Variants in KEL observed in about 807,000 individuals in gnomAD.
KEL encodes the protein kell blood group glycoprotein.
In KEL, 96 loss-of-function variants were observed where a neutral mutation model predicts 99.5. The observed-to-expected ratio is 0.97, with a 90% confidence interval of 0.82 to 1.14. The LOEUF (loss-of-function observed/expected upper bound fraction) is 1.14, where lower values mean the gene tolerates loss of function less well. Ranked by LOEUF, KEL falls within the 50% of genes most tolerant of loss-of-function variation. The pLI is 0.00. For missense variants in KEL, 926 were observed against 924.2 expected, an observed-to-expected ratio of 1.00 and a Z score of -0.03; for synonymous variants, 355 against 354.8, an observed-to-expected ratio of 1.00 and a Z score of -0.01.
chr7:142,946,622 G>A (rs1796537707), intron 10 of KEL: 1 of 445,734 alleles, frequency 2.2e-6, no homozygotes, highest in Non-Finnish European at 4.1e-6. Context: ...GGAAGAAGAT[G>A]AGAACCCAAA....
At chr7:142,946,871 G>T (rs1199953066) in intron 10 of KEL, among the ~76,000 whole-genome samples, 1 of 152,190 alleles carries the variant, frequency 6.6e-6, no homozygotes, top group African/African-American at 2.4e-5. Context: ...CATATTGTTT[G>T]CTAGGAAAAG....
At chr7:142,954,053 A>G in intron 8 of KEL, 97 bp from the exon 9 acceptor site, 1 of 1,462,384 alleles carries the variant, frequency 6.8e-7, no homozygotes, top group Non-Finnish European at 9.5e-7. Flanking sequence ...GAACAGGCTA[A>G]CTGGGGGAGG....
chr7:142,943,002 T>TG lies in KEL; in HGVS notation c.1813dup (p.Gln605ProfsTer18), dbSNP rs1796409113. On this transcript the variant is annotated frameshift_variant, in exon 17 of 19. Coordinates refer to ENST00000355265, the MANE Select transcript of KEL (RefSeq NM_000420.3). LOFTEE classifies it high-confidence loss of function. ...GCGCTTCAGGCACAGGTGAGCTTCC[T>TG]GGAGGGCATGGTTGTCACAGGCGAG... is the stretch of plus-strand genomic sequence containing the variant. 1 of 1,614,188 alleles carries TG rather than the reference T, an allele frequency of 6.2e-7. No homozygotes were observed. The highest frequency in any genetic ancestry group is 2.2e-5 in the East Asian group (1 of 44,878).
In KEL at chr7:142,941,418, G is replaced by A. The variant is rs1250283808; in HGVS notation, c.2038-5C>T. The A allele has an allele frequency of 6.3e-7, 1 of 1,587,766 alleles. No homozygotes were observed. Among genetic ancestry groups the A allele is most frequent in the Non-Finnish European group, 8.6e-7 (1 of 1,163,796 alleles). The stretch of plus-strand genomic sequence containing the variant: ...GCTGGGCTTCCTACACATCACCTGA[G>A]CAGGAAGAGAGGTCATTGAAGGGGG... On this transcript the variant is annotated splice_region_variant and splice_polypyrimidine_tract_variant and intron_variant, in intron 18 of 18. Coordinates refer to ENST00000355265, the MANE Select transcript of KEL (RefSeq NM_000420.3).
At chr7:142,941,515 G>A in intron 18 of KEL, 102 bp from the exon 19 acceptor site, 1 of 1,154,854 alleles carries the variant, frequency 8.7e-7, no homozygotes, top group Non-Finnish European at 1.2e-6. Flanking sequence ...GGGAACCAGG[G>A]GATCAAGTGC....
At chr7:142,952,037 C>A (rs767822701) in intron 10 of KEL, among the ~76,000 whole-genome samples, 5 of 152,106 alleles carry the variant, frequency 3.3e-5, no homozygotes, top group Non-Finnish European at 4.4e-5. Context: ...ACAAAGTCTA[C>A]ATGTGGCCCA....
chr7:142,960,984 T>C lies in KEL; in HGVS notation c.344A>G (p.Asn115Ser), dbSNP rs1190621007. ...TGTGGCAAGCTCCTGAAAAGAATTATTGGTCTCTTTGGCCCTTCCACAGGC... is the reference window on the plus strand; with the variant it reads ...TGTGGCAAGCTCCTGAAAAGAATTACTGGTCTCTTTGGCCCTTCCACAGGC... ...SFACGRAKET[N>S]NSFQELATKN... The change falls in exon 4 of 19, where the codon AAT (asparagine) becomes AGT (serine). Residue 115 changes from asparagine (N) to serine (S), a missense_variant. Transcript: ENST00000355265. 1.2e-6 allele frequency: 2 copies of C among 1,614,248 alleles called. No individual in the cohort carries two copies. Among genetic ancestry groups the C allele is most frequent in the East Asian group, 2.2e-5 (1 of 44,884 alleles).
At chr7:142,946,345 C>G in intron 10 of KEL, 28 bp from the exon 11 acceptor site, 4 of 1,545,326 alleles carry the variant, frequency 2.6e-6, no homozygotes, top group Non-Finnish European at 3.6e-6. Context: ...GAATGAGTGG[C>G]TCCTGTTCAG....
chr7:142,957,232 T>C (rs187782158), intron 6 of KEL, among the ~76,000 whole-genome samples: 255 of 152,282 alleles, frequency 1.7e-3, no homozygotes, highest in Non-Finnish European at 2.8e-3. Flanking sequence ...GTGTGGGGGA[T>C]GGTTGCAGGC....
chr7:142,962,314 G>A lies in KEL; in HGVS notation c.-108C>T. On this transcript the variant is annotated 5_prime_UTR_variant, in exon 1 of 19. Coordinates refer to ENST00000355265, the MANE Select transcript of KEL (RefSeq NM_000420.3). Reference sequence around the variant, plus strand: ...CCCGCCCCAGTTCCTTGATCCTGGAGAAGGGGCACTTCTGCTGCTCTTTCG... The same window carrying A: ...CCCGCCCCAGTTCCTTGATCCTGGAAAAGGGGCACTTCTGCTGCTCTTTCG... 1.6e-6 allele frequency: 2 copies of A among 1,264,372 alleles called. No individual in the cohort carries two copies. Among genetic ancestry groups the A allele is most frequent in the Non-Finnish European group, 2.3e-6 (2 of 862,866 alleles). The allele number at this position is 1,264,372 out of a possible 1,614,324, so 78.3% of individuals were successfully genotyped here.
At chr7:142,941,467 C>A in intron 18 of KEL, 54 bp from the exon 19 acceptor site, 1 of 1,513,336 alleles carries the variant, frequency 6.6e-7, no homozygotes, top group East Asian at 2.3e-5. Flanking sequence ...CAAAGCTGAC[C>A]CGGTGACAAG....
intron 9 of KEL, among the ~76,000 whole-genome samples, chr7:142,952,856 C>T (rs1056535897): frequency 6.6e-6 from 1 of 152,204 alleles, no homozygotes; most frequent in Admixed American, 6.5e-5. Context: ...GATGAAGAGG[C>T]AGCCTTCAAA....
At chr7:142,948,270 A>G (rs919329528) in intron 10 of KEL, among the ~76,000 whole-genome samples, 2 of 152,204 alleles carry the variant, frequency 1.3e-5, no homozygotes, top group African/African-American at 4.8e-5. Flanking sequence ...AGTCAGAGAG[A>G]GAAAGAGAGG....
chr7:142,944,063 G>C (rs982197780), intron 13 of KEL, among the ~76,000 whole-genome samples, 180 bp from the exon 14 acceptor site: 6 of 152,182 alleles, frequency 3.9e-5, no homozygotes, highest in Admixed American at 1.3e-4. Context: ...ACACATATCA[G>C]CACACAGATG....
intron 8 of KEL, 60 bp from the exon 9 acceptor site, chr7:142,954,016 T>C: frequency 6.2e-7 from 1 of 1,600,660 alleles, no homozygotes; most frequent in East Asian, 2.2e-5. Context: ...GGGAAAGGGC[T>C]TCCCCTTGGG....
chr7:142,958,180 C>T, intron 5 of KEL, 124 bp downstream of exon 5: 2 of 1,433,008 alleles, frequency 1.4e-6, no homozygotes, highest in South Asian at 2.3e-5. Context: ...CTCCATCTCC[C>T]TCCTAGAAAT....
intron 6 of KEL, among the ~76,000 whole-genome samples, chr7:142,955,048 C>G (rs1201697310): frequency 6.6e-6 from 1 of 152,206 alleles, no homozygotes; most frequent in Non-Finnish European, 1.5e-5. Flanking sequence ...CAAGCTGTTT[C>G]TGGGTGTCAC....
rs2116354458 is a variant in KEL, at chr7:142,961,501, T to C, written c.82A>G (p.Ser28Gly). The change falls in exon 3 of 19, where the codon AGC (serine) becomes GGC (glycine). Residue 28 changes from serine to glycine, a missense_variant and splice_region_variant. Physicochemically the swap from Ser to Gly is moderately conservative, Grantham distance 56. Coordinates refer to ENST00000355265, the MANE Select transcript of KEL (RefSeq NM_000420.3). ...GGMGTLWSQESTPEERLPVEG... is the reference protein window; with the variant it reads ...GGMGTLWSQEGTPEERLPVEG... ...ACGGGCAGCCTCTCTTCTGGAGTGC[T>C]CTGTGGGAGGAACCAAGAGGTGAAA... is the stretch of plus-strand genomic sequence containing the variant. 1.3e-6 allele frequency: 2 copies of C among 1,592,740 alleles called. No homozygotes were observed. Among genetic ancestry groups the C allele is most frequent in the East Asian group, 2.3e-5 (1 of 44,058 alleles).
intron 4 of KEL, among the ~76,000 whole-genome samples, chr7:142,959,743 T>C (rs535100532): frequency 6.6e-6 from 1 of 152,178 alleles, no homozygotes; most frequent in Non-Finnish European, 1.5e-5. Context: ...AACACTCTTT[T>C]CACCCTCAGT....
Sources: allele counts gnomAD v4.1 joint callset (sites outside exome capture counted in the v4.1 genomes callset), GRCh38; gene constraint gnomAD v4.1.1; transcripts MANE v1.5; gene names NCBI Gene and HGNC (gene_info 2026-07-23, HGNC 2026-07-21).